FSTL5: variants seen among roughly 807,000 people sequenced by gnomAD.
FSTL5 encodes the protein follistatin like 5, also known as follistatin-related protein 5.
FSTL5 carries 62 observed loss-of-function variants against 89.1 expected under a neutral mutation model. That is an observed-to-expected ratio of 0.70 (90% CI 0.57 to 0.86). FSTL5 has a LOEUF of 0.86. Ranked by LOEUF, FSTL5 falls within the 40% of genes least tolerant of loss-of-function variation. The pLI, the probability that FSTL5 is intolerant of heterozygous loss-of-function variation, is 0.00. For missense variants in FSTL5, 1,057 were observed against 1,001.6 expected (o/e 1.06, Z -0.75); for synonymous variants, 383 against 346.2 (o/e 1.11, Z -1.18).
At chr4:161,542,470 T>C in intron 9 of FSTL5, 62 bp downstream of exon 9, 3 of 1,107,250 alleles carry the variant, frequency 2.7e-6, no homozygotes, top group Non-Finnish European at 3.6e-6. Context: ...AAGAACGTTA[T>C]AAATTTTAGT....
chr4:162,159,987 T>C (rs1283240851), intron 1 of FSTL5, among the ~76,000 whole-genome samples: 1 of 145,512 alleles, frequency 6.9e-6, no homozygotes, highest in African/African-American at 2.5e-5. Flanking sequence ...TATATTGTAT[T>C]ACAGCTTATT....
intron 2 of FSTL5, among the ~76,000 whole-genome samples, chr4:162,093,336 T>C (rs527930147): frequency 6.6e-6 from 1 of 152,276 alleles, no homozygotes; most frequent in African/African-American, 2.4e-5. Context: ...ACTTAAGCAA[T>C]AGTAGATAAC....
intron 2 of FSTL5, among the ~76,000 whole-genome samples, chr4:162,042,531 G>A (rs1738004299): frequency 6.6e-6 from 1 of 151,954 alleles, no homozygotes; most frequent in African/African-American, 2.4e-5. Context: ...AAGATAGCAT[G>A]GATAAGGGAT....
chr4:162,061,177 G>C lies in FSTL5; in HGVS notation c.127-27519C>G, dbSNP rs1380692076. On this transcript the variant is annotated intron_variant, in intron 2 of 15. Coordinates refer to ENST00000306100, the MANE Select transcript of FSTL5 (RefSeq NM_020116.5). The stretch of plus-strand genomic sequence containing the variant: ...GTTATAATGCTAAGCCAGTACCTCA[G>C]AATGTGACATTAATAGGAGATAGGT... 3.9e-5 allele frequency among the ~76,000 whole-genome samples: 6 copies of C among 152,046 alleles called. No individual in the cohort carries two copies. The East Asian group carries it at 1.2e-3, about 29-fold the overall frequency.
At position 162,114,032 on chromosome 4, in the gene FSTL5, C is replaced by T. The variant is rs148463099; in HGVS notation, c.-16-2620G>A. ...AATAGCCCAGAACAATACATGAATG[C>T]ATAAATGTCATTCTGCATTCAAGGA... On this transcript the variant is annotated intron_variant, in intron 1 of 15. Transcript: ENST00000306100. 4.9e-3 allele frequency among the ~76,000 whole-genome samples: 743 copies of T among 152,290 alleles called. 6 individuals are homozygous for T. The highest frequency in any genetic ancestry group is 0.017 in the African/African-American group (689 of 41,552).
intron 6 of FSTL5, among the ~76,000 whole-genome samples, chr4:161,713,721 A>T (rs747865457): frequency 9.1e-4 from 139 of 152,084 alleles, no homozygotes; most frequent in Admixed American, 2.4e-3. Flanking sequence ...TATTCTCTAT[A>T]TGGTGTTTTA....
At chr4:161,976,483 T>C (rs1048745694) in intron 3 of FSTL5, among the ~76,000 whole-genome samples, 2 of 152,028 alleles carry the variant, frequency 1.3e-5, no homozygotes, top group African/African-American at 4.8e-5. Flanking sequence ...GTTGGTTTTG[T>C]TGTTGTTGTT....
chr4:161,385,003 T>C lies in FSTL5; in HGVS notation c.*744A>G, dbSNP rs1401767231. On this transcript the variant is annotated 3_prime_UTR_variant, in exon 16 of 16. Coordinates refer to ENST00000306100, the MANE Select transcript of FSTL5 (RefSeq NM_020116.5). ...ATTGAAAGCAAAATGAGTAGATAGA[T>C]TGCAAATATTTTGACTGTAATTATT... The C allele has an allele frequency of 1.3e-5, 2 of 152,130 alleles. No homozygotes were observed. The highest frequency in any genetic ancestry group is 2.9e-5 in the Non-Finnish European group (2 of 68,008). 9.4% of individuals were successfully genotyped at this position (152,130 alleles called of 1,614,324 possible).
intron 8 of FSTL5, among the ~76,000 whole-genome samples, chr4:161,543,632 G>A (rs1276267705): frequency 2.0e-5 from 3 of 151,974 alleles, no homozygotes; most frequent in Admixed American, 1.3e-4. Flanking sequence ...GAATAGACTT[G>A]AGAGTGCAGA....
chr4:161,516,104 TAATG>T (rs1730818906), intron 10 of FSTL5, among the ~76,000 whole-genome samples: 2 of 148,566 alleles, frequency 1.3e-5, no homozygotes, highest in Admixed American at 1.4e-4. Context: ...ATTAAAAACA[TAATG>T]TATTATATAT....
At chr4:161,840,126 C>T (rs1334110456) in intron 4 of FSTL5, among the ~76,000 whole-genome samples, 1 of 151,800 alleles carries the variant, frequency 6.6e-6, no homozygotes, top group Non-Finnish European at 1.5e-5. Flanking sequence ...TTGTAGAAGC[C>T]CTGTTAGGGA....
At chr4:161,766,492 C>T (rs1317884566) in intron 5 of FSTL5, among the ~76,000 whole-genome samples, 1 of 152,116 alleles carries the variant, frequency 6.6e-6, no homozygotes, top group Non-Finnish European at 1.5e-5. Context: ...TTCTGTGACC[C>T]AGTGAAATCG....
At chr4:161,984,703 CA>C (rs1735914637) in intron 3 of FSTL5, among the ~76,000 whole-genome samples, 1 of 151,916 alleles carries the variant, frequency 6.6e-6, no homozygotes, top group Non-Finnish European at 1.5e-5. Flanking sequence ...CAGTCATTTC[CA>C]AAAGATTACA....
chr4:161,644,137 G>T (rs1450456785), intron 7 of FSTL5, among the ~76,000 whole-genome samples: 3 of 152,072 alleles, frequency 2.0e-5, no homozygotes. Context: ...GGCACAAGAG[G>T]CGTTTGTTTA....
intron 1 of FSTL5, among the ~76,000 whole-genome samples, chr4:162,114,126 C>T (rs956230578): frequency 2.0e-5 from 3 of 152,128 alleles, no homozygotes; most frequent in African/African-American, 7.2e-5. Context: ...ACTGATGCTA[C>T]AAAGCTTCTG....
At chr4:161,946,061 AAG>A (rs1406733779) in intron 3 of FSTL5, among the ~76,000 whole-genome samples, 3 of 152,160 alleles carry the variant, frequency 2.0e-5, no homozygotes, top group Non-Finnish European at 4.4e-5. Context: ...AAAAATAAAA[AAG>A]AAGTTTGTCT....
intron 6 of FSTL5, among the ~76,000 whole-genome samples, chr4:161,685,230 G>A (rs570894464): frequency 3.9e-5 from 6 of 152,056 alleles, no homozygotes; most frequent in East Asian, 3.9e-4. Context: ...TGTTTATGCC[G>A]GCACTTTTTT....
chr4:161,539,256 A>G (rs1292211355), intron 9 of FSTL5, among the ~76,000 whole-genome samples: 1 of 151,670 alleles, frequency 6.6e-6, no homozygotes, highest in African/African-American at 2.4e-5. Context: ...CAAGAACCAC[A>G]CAAGCAGTAG....
chr4:161,681,593 G>A lies in FSTL5; in HGVS notation c.728-25099C>T, dbSNP rs72689112. On this transcript the variant is annotated intron_variant, in intron 6 of 15. Transcript: ENST00000306100. ...TTACATAAACATTGAAATCCTATTC[G>A]TAATCATTATTAAAAAATATCTGTA... Among the ~76,000 whole-genome samples, 911 of 151,838 alleles carry A rather than the reference G, an allele frequency of 6.0e-3. 11 individuals carry two copies. The highest frequency in any genetic ancestry group is 0.047 in the South Asian group (226 of 4,812).
Sources: allele counts gnomAD v4.1 joint callset (sites outside exome capture counted in the v4.1 genomes callset), GRCh38; gene constraint gnomAD v4.1.1; transcripts MANE v1.5; gene names NCBI Gene and HGNC (gene_info 2026-07-23, HGNC 2026-07-21).